Variants in ZZEF1 observed in about 807,000 individuals in gnomAD.
The protein encoded by ZZEF1 is zinc finger ZZ-type and EF-hand domain containing 1.
ZZEF1 carries 157 observed loss-of-function variants against 342.8 expected under a neutral mutation model. That is an observed-to-expected ratio of 0.46 (90% CI 0.40 to 0.52). The LOEUF (loss-of-function observed/expected upper bound fraction) is 0.52. ZZEF1 is among the 20% of genes least tolerant of loss of function. ZZEF1 has a pLI of 0.00. For synonymous variants in ZZEF1, 1,505 were observed against 1,429.1 expected, an observed-to-expected ratio of 1.05 and a Z score of -1.20; for missense variants, 3,480 against 3,725.6, an observed-to-expected ratio of 0.93 and a Z score of 1.72.
At chr17:4,098,308 A>T (rs929042560) in intron 9 of ZZEF1, among the ~76,000 whole-genome samples, 3 of 150,678 alleles carry the variant, frequency 2.0e-5, no homozygotes, top group Non-Finnish European at 4.4e-5. Context: ...GCTACTTGGG[A>T]GGCCAGGGTG....
At chr17:4,067,355 TCA>T in intron 26 of ZZEF1, 113 bp from the exon 27 acceptor site, 1 of 726,832 alleles carries the variant, frequency 1.4e-6, no homozygotes, top group Non-Finnish European at 2.2e-6. Flanking sequence ...CTCCTGACAA[TCA>T]CACATTGAGG....
At chr17:4,127,373 T>A (rs1349383213) in intron 1 of ZZEF1, among the ~76,000 whole-genome samples, 1 of 152,196 alleles carries the variant, frequency 6.6e-6, no homozygotes, top group Non-Finnish European at 1.5e-5. Context: ...CAGTGTTGCA[T>A]GTGTTTTTTA....
rs2058184897 is a variant in ZZEF1 at position 4,104,856 on chromosome 17, A to G, written c.1395-45T>C. 4 of 1,575,622 alleles carry G rather than the reference A, an allele frequency of 2.5e-6. No homozygotes were observed. The East Asian group carries it at 9.0e-5, about 35-fold the overall frequency. ...ACTTTTCACTTCTTAAAAACATGAA[A>G]AAATCCAGGTAGCTCAAACCCCATG... is the stretch of plus-strand genomic sequence containing the variant. On this transcript the variant is annotated intron_variant, in intron 7 of 54. Transcript: ENST00000381638.
intron 37 of ZZEF1, among the ~76,000 whole-genome samples, chr17:4,045,153 C>CA (rs970679699): frequency 2.9e-4 from 42 of 145,298 alleles, no homozygotes; most frequent in East Asian, 7.9e-4. Flanking sequence ...GACTCTGTCT[C>CA]AAAAAAAAAA....
At chr17:4,031,078 G>C (rs1026202250) in intron 42 of ZZEF1, among the ~76,000 whole-genome samples, 3 of 152,098 alleles carry the variant, frequency 2.0e-5, no homozygotes, top group African/African-American at 7.2e-5. Context: ...ACTTTGGGAG[G>C]CCAAGGCAGG....
Position 4,052,035 on chromosome 17 carries a change from A to AG in ZZEF1, c.5535dup (p.Cys1846LeufsTer6). On this transcript the variant is annotated frameshift_variant, in exon 35 of 55. Transcript: ENST00000381638. LOFTEE classifies it high-confidence loss of function. ...AGATCAAAGTCATCGCAAACATTGC[A>AG]GTTCATCCTCCGGCCTATGATCAAA... is the stretch of plus-strand genomic sequence containing the variant. 6.2e-7 allele frequency: 1 copy of AG among 1,614,220 alleles called. No homozygotes were observed. Among genetic ancestry groups the AG allele is most frequent in the Non-Finnish European group, 8.5e-7 (1 of 1,180,038 alleles).
At chr17:4,026,855 T>A (rs2056417510) in intron 42 of ZZEF1, among the ~76,000 whole-genome samples, 1 of 152,084 alleles carries the variant, frequency 6.6e-6, no homozygotes, top group South Asian at 2.1e-4. Flanking sequence ...AAGTATTTGC[T>A]AAGATAAAAC....
At chr17:4,113,664 C>CAA (rs147181504) in intron 4 of ZZEF1, among the ~76,000 whole-genome samples, 22 of 127,964 alleles carry the variant, frequency 1.7e-4, no homozygotes, top group South Asian at 2.5e-4. Context: ...GGCTCCATCT[C>CAA]AAAAAAAAAA....
intron 1 of ZZEF1, among the ~76,000 whole-genome samples, chr17:4,124,701 G>A (rs1302292873): frequency 3.4e-5 from 5 of 148,850 alleles, no homozygotes; most frequent in South Asian, 2.1e-4. Flanking sequence ...CAGGTGATCC[G>A]CCCACCTCAG....
In ZZEF1 at chr17:4,059,410, A is replaced by G. The variant is rs1016510584; in HGVS notation, c.4884-120T>C. 3 of 1,233,262 alleles carry G rather than the reference A, an allele frequency of 2.4e-6. No individual in the cohort carries two copies. In the East Asian group the frequency reaches 7.9e-5, roughly 33 times the overall value. 76.4% of individuals were successfully genotyped at this position (1,233,262 alleles called of 1,614,324 possible). The stretch of plus-strand genomic sequence containing the variant: ...AGTCAGCTGAGCAAAGCGGCACAGG[A>G]ACTTAAGTAAATACAAATATAATAC... On this transcript the variant is annotated intron_variant, in intron 30 of 54. Transcript: ENST00000381638.
rs1304769855 is a variant in ZZEF1 at position 4,085,749 on chromosome 17, A to C, written c.2567T>G (p.Val856Gly). 7.4e-6 allele frequency: 12 copies of C among 1,614,100 alleles called. No homozygotes were observed. Among genetic ancestry groups the C allele is most frequent in the Non-Finnish European group, 1.0e-5 (12 of 1,179,988 alleles). The change falls in exon 16 of 55, where the codon GTC (valine) becomes GGC (glycine). Residue 856 changes from valine to glycine, a missense_variant. Coordinates refer to ENST00000381638, the MANE Select transcript of ZZEF1 (RefSeq NM_015113.4). ...AGCCCCATTGAGAAGGGTATTCCTG[A>C]CTTCTTGTTTTAGTATCTCCATGGG... ...SVPMEILKQE[V>G]RNTLLNGAAI... is the part of the protein sequence containing the mutation.
intron 1 of ZZEF1, among the ~76,000 whole-genome samples, chr17:4,131,127 G>GGGGATTT (rs777557635): frequency 1.4e-3 from 215 of 152,170 alleles, no homozygotes; most frequent in Non-Finnish European, 2.5e-3. Flanking sequence ...TTTTCAGAAA[G>GGGGATTT]CTACTAGAGG....
Position 4,066,309 on chromosome 17 carries a change from T to C in ZZEF1, c.4249+138A>G, listed in dbSNP as rs73318735. 3.4e-4 allele frequency: 247 copies of C among 727,984 alleles called. 1 individual carries two copies. In the African/African-American group the frequency reaches 3.9e-3, roughly 12 times the overall value. The allele number at this position is 727,984 out of a possible 1,614,324, so 45.1% of individuals were successfully genotyped here. A position where few individuals can be genotyped will look rare whatever the true frequency, so the allele number is the denominator to read the frequency against. Reference sequence around the variant, plus strand: ...CTATTTATGATACATCCTTGGATACTATATTTAGCATCTGTGTTACTTTCC... The same window carrying C: ...CTATTTATGATACATCCTTGGATACCATATTTAGCATCTGTGTTACTTTCC... On this transcript the variant is annotated intron_variant, in intron 28 of 54. Coordinates refer to ENST00000381638, the MANE Select transcript of ZZEF1 (RefSeq NM_015113.4).
intron 30 of ZZEF1, among the ~76,000 whole-genome samples, chr17:4,059,658 G>A (rs1240416937): frequency 6.6e-6 from 1 of 152,112 alleles, no homozygotes; most frequent in Non-Finnish European, 1.5e-5. Context: ...CTTCATTGAT[G>A]ACTTTGGCAC....
At chr17:4,075,762 C>G (rs544942413) in intron 21 of ZZEF1, among the ~76,000 whole-genome samples, 24 of 151,764 alleles carry the variant, frequency 1.6e-4, no homozygotes, top group African/African-American at 5.8e-4. Flanking sequence ...ACCTCACATT[C>G]CTACCTGGGA....
chr17:4,116,248 G>A (rs2064951249), intron 3 of ZZEF1, among the ~76,000 whole-genome samples: 1 of 152,220 alleles, frequency 6.6e-6, no homozygotes, highest in African/African-American at 2.4e-5. Context: ...GAACCCAGGA[G>A]GTGGAGGCTG....
chr17:4,050,227 C>T (rs907089433), intron 36 of ZZEF1, among the ~76,000 whole-genome samples: 10 of 152,194 alleles, frequency 6.6e-5, no homozygotes, highest in Non-Finnish European at 1.2e-4. Context: ...AAGGTGCTGG[C>T]GTTACCCATG....
intron 2 of ZZEF1, among the ~76,000 whole-genome samples, chr17:4,122,342 C>T (rs1407539820): frequency 6.6e-6 from 1 of 151,428 alleles, no homozygotes; most frequent in Non-Finnish European, 1.5e-5. Context: ...AGTCTGAGCT[C>T]CCCCCCAAAA....
intron 45 of ZZEF1, 188 bp from the exon 46 acceptor site, chr17:4,019,957 C>T (rs1870042087): frequency 2.1e-6 from 1 of 487,620 alleles, no homozygotes; most frequent in African/African-American, 2.0e-5. Context: ...ATAACACCTA[C>T]ACTACGACTG....
Sources: gnomAD v4.1 joint callset for allele counts (sites outside exome capture counted in the v4.1 genomes callset) on GRCh38, gnomAD v4.1.1 for gene constraint, MANE v1.5 for transcripts, NCBI Gene and HGNC (gene_info 2026-07-23, HGNC 2026-07-21) for gene names.